The following A2ML1 variants were observed in gnomAD, a reference collection of about 807,000 sequenced individuals.
The protein encoded by A2ML1 is alpha-2-macroglobulin-like protein 1.
A neutral mutation model predicts 181.9 loss-of-function variants in A2ML1; 161 were observed. The ratio of observed to expected loss-of-function variants is 0.89; its 90% CI spans 0.78 to 1.01. A2ML1 has a LOEUF of 1.01. Among genes scored for constraint, A2ML1 ranks in the 50% least tolerant of loss-of-function variants. The pLI is 0.00. For synonymous variants in A2ML1, 663 were observed against 666.8 expected, an observed-to-expected ratio of 0.99 and a Z score of 0.09; for missense variants, 1,670 against 1,768.1, an observed-to-expected ratio of 0.94 and a Z score of 1.00.
At chr12:8,847,188 A>G (rs1225682861) in intron 14 of A2ML1, among the ~76,000 whole-genome samples, 1 of 124,516 alleles carries the variant, frequency 8.0e-6, no homozygotes, top group African/African-American at 3.2e-5. Flanking sequence ...ACCTCAGGTC[A>G]TCCACCTGCC....
rs12049925 is a variant in A2ML1, at chr12:8,824,292, T to C, written c.409+410T>C. The stretch of plus-strand genomic sequence containing the variant: ...CTTACAGGGGCACTTCATTCTGAGA[T>C]TTCAAAGTCAGGCACCCTGAAAAGA... On this transcript the variant is annotated intron_variant, in intron 3 of 35. Coordinates refer to ENST00000299698, the MANE Select transcript of A2ML1 (RefSeq NM_144670.6). 7.8e-4 allele frequency among the ~76,000 whole-genome samples: 115 copies of C among 147,414 alleles called. 1 individual carries two copies. The East Asian group carries it at 0.018, about 24-fold the overall frequency.
chr12:8,823,053 G>A (rs1447814091), intron 1 of A2ML1, 129 bp from the exon 2 acceptor site: 7 of 914,904 alleles, frequency 7.7e-6, no homozygotes, highest in African/African-American at 3.3e-5. Context: ...TGTAGAAAAT[G>A]AGGTGCATAA....
Position 8,869,101 on chromosome 12 carries a change from C to T in A2ML1, c.4153-34C>T, listed in dbSNP as rs141884595. 10 of 1,610,634 alleles carry T rather than the reference C, an allele frequency of 6.2e-6. No homozygotes were observed. In the East Asian group the frequency reaches 2.2e-4, roughly 36 times the overall value. ...GACTACCCCAGGGAAGGCTCTGGCTCTTAGTATCTTTTTTTTCTCCCTCTC... is the reference window on the plus strand; with the variant it reads ...GACTACCCCAGGGAAGGCTCTGGCTTTTAGTATCTTTTTTTTCTCCCTCTC... On this transcript the variant is annotated intron_variant, in intron 32 of 35. Coordinates refer to ENST00000299698, the MANE Select transcript of A2ML1 (RefSeq NM_144670.6).
At chr12:8,829,844 G>C (rs761945708) in intron 4 of A2ML1, 65 bp downstream of exon 4, 3 of 1,600,750 alleles carry the variant, frequency 1.9e-6, no homozygotes, top group Non-Finnish European at 2.6e-6. Context: ...AGATTCTCTA[G>C]GGTGGAAGTC....
chr12:8,881,006 G>C (rs1944865467), downstream of A2ML1, among the ~76,000 whole-genome samples: 1 of 152,166 alleles, frequency 6.6e-6, no homozygotes, highest in South Asian at 2.1e-4. Context: ...TTTCTTAACT[G>C]ACCTGTTTTA....
At chr12:8,840,077 C>T (rs1487094065) in intron 10 of A2ML1, among the ~76,000 whole-genome samples, 1 of 151,902 alleles carries the variant, frequency 6.6e-6, no homozygotes, top group African/African-American at 2.4e-5. Context: ...TTAAAATTTC[C>T]GGCAGGGCGT....
At chr12:8,835,964 C>T (rs1176747160) in intron 6 of A2ML1, among the ~76,000 whole-genome samples, 2 of 134,094 alleles carry the variant, frequency 1.5e-5, no homozygotes, top group South Asian at 4.7e-4. Context: ...AGTGAGCTGA[C>T]ATCACGCCAC....
rs771026621 is a variant in A2ML1, at chr12:8,857,360, C to T, written c.3025+20C>T. 3.8e-5 allele frequency: 62 copies of T among 1,612,978 alleles called. No homozygotes were observed. The East Asian group carries it at 6.9e-4, about 18-fold the overall frequency. On this transcript the variant is annotated intron_variant, in intron 24 of 35. Transcript: ENST00000299698. ...AAATAGGTAAGTTGGTTCAGTCTTTCTTTCTTGAACACTCTCCTCCACTAG... is the reference window on the plus strand; with the variant it reads ...AAATAGGTAAGTTGGTTCAGTCTTTTTTTCTTGAACACTCTCCTCCACTAG...
rs755224931 is a variant in A2ML1 at position 8,854,221 on chromosome 12, A to T, written c.2684A>T (p.Asp895Val). 1 of 1,608,548 alleles carries T rather than the reference A, an allele frequency of 6.2e-7. No individual in the cohort carries two copies. Among genetic ancestry groups the T allele is most frequent in the East Asian group, 2.2e-5 (1 of 44,730 alleles). Residue 895 changes from aspartate (D) to valine (V), a missense_variant, in exon 21 of 36, where the codon GAC (aspartate) becomes GTC (valine). By Grantham distance (152) the Asp-to-Val change is radical. Transcript: ENST00000299698. ...TTTGTTCCCCAAAAGGGCCGAAGTG[A>T]CACGCTCATCAAGCCAGTTCTCGTC... ...KGFVPQKGRS[D>V]TLIKPVLVKP...
chr12:8,869,068 CT>C, intron 32 of A2ML1, 66 bp from the exon 33 acceptor site: 3 of 1,496,274 alleles, frequency 2.0e-6, no homozygotes, highest in Non-Finnish European at 2.8e-6. Context: ...CATGGCAGAG[CT>C]TTGGAAGACT....
chr12:8,822,789 G>A (rs1240311157), intron 1 of A2ML1, 76 bp downstream of exon 1: 6 of 1,368,926 alleles, frequency 4.4e-6, no homozygotes, highest in African/African-American at 1.4e-5. Context: ...TTTATATGGA[G>A]ATGGGGAGAT....
chr12:8,852,206 G>A lies in A2ML1; in HGVS notation c.2464-4G>A, dbSNP rs200188816. On this transcript the variant is annotated splice_region_variant and splice_polypyrimidine_tract_variant and intron_variant, in intron 19 of 35. Coordinates refer to ENST00000299698, the MANE Select transcript of A2ML1 (RefSeq NM_144670.6). The surrounding 1 kb of genome is among the most constrained non-coding windows in gnomAD (Gnocchi z 4.2). ...ACCCTTTGTCTCTTAAACATCCTCC[G>A]TAGGTTCAGACTGACCTGGCTAAAT... The A allele has an allele frequency of 5.2e-5, 84 of 1,613,912 alleles. No individual in the cohort carries two copies. Among genetic ancestry groups the A allele is most frequent in the South Asian group, 4.8e-4 (44 of 91,062 alleles).
chr12:8,884,113 T>C (rs1332503695), intron 7 of A2ML1, among the ~76,000 whole-genome samples: 1 of 152,120 alleles, frequency 6.6e-6, no homozygotes, highest in African/African-American at 2.4e-5. Context: ...GCCATCTTAG[T>C]GTGTGTGAAG....
chr12:8,860,183 G>A (rs368141157), intron 26 of A2ML1, among the ~76,000 whole-genome samples: 2 of 151,730 alleles, frequency 1.3e-5, no homozygotes, highest in African/African-American at 4.8e-5. Context: ...CTGGGACCAC[G>A]GATCCACGTG....
chr12:8,829,784 G>A lies in A2ML1; in HGVS notation c.462+5G>A. On this transcript the variant is annotated splice_donor_5th_base_variant and intron_variant, in intron 4 of 35. Transcript: ENST00000299698. ...TTCGTTCCAGTGAATGACAAGGTGA[G>A]TTGGGAGGAGGAGAAGGAGTGGCGC... 4 of 1,614,094 alleles carry A rather than the reference G, an allele frequency of 2.5e-6. No homozygotes were observed. The highest frequency in any genetic ancestry group is 8.5e-7 in the Non-Finnish European group (1 of 1,179,986).
At position 8,849,750 on chromosome 12, in the gene A2ML1, G is replaced by A. The variant is rs1943824625; in HGVS notation, c.2110G>A (p.Ala704Thr). Reference protein sequence around the residue: ...CSHRSPEYSTAMGAGGGHPEA... With the variant: ...CSHRSPEYSTTMGAGGGHPEA... ...TCACAGATCTCCAGAATACAGCACT[G>A]CTATGGGTGGTAAGCCACCTCTGTG... is the stretch of plus-strand genomic sequence containing the variant. Residue 704 changes from alanine to threonine, a missense_variant, in exon 17 of 36, where the codon GCT becomes ACT. Transcript: ENST00000299698. The A allele has an allele frequency of 3.1e-6, 5 of 1,614,106 alleles. No individual in the cohort carries two copies. Among genetic ancestry groups the A allele is most frequent in the Non-Finnish European group, 4.2e-6 (5 of 1,179,964 alleles).
In A2ML1 at chr12:8,847,644, G is replaced by T; in HGVS notation, c.1779G>T (p.Ala593=). ...AAPGSLCALR[A]VDESVLLLRP... ...CCGGATCCCTGTGTGCGCTCCGGGC[G>T]GTGGATGAGAGTGTCTTACTGCTTA... Residue 593 remains alanine, a synonymous_variant, in exon 15 of 36, where the codon GCG becomes GCT. Coordinates refer to ENST00000299698, the MANE Select transcript of A2ML1 (RefSeq NM_144670.6). 1 of 1,613,872 alleles carries T rather than the reference G, an allele frequency of 6.2e-7. No homozygotes were observed. Among genetic ancestry groups the T allele is most frequent in the Non-Finnish European group, 8.5e-7 (1 of 1,179,910 alleles).
rs1288040844 is a variant in A2ML1 at position 8,875,001 on chromosome 12, C to T, written c.4355C>T (p.Pro1452Leu). 6.2e-7 allele frequency: 1 copy of T among 1,613,976 alleles called. No individual in the cohort carries two copies. The highest frequency in any genetic ancestry group is 2.2e-5 in the East Asian group (1 of 44,878). The change falls in exon 35 of 36, where the codon CCC (proline) becomes CTC (leucine). Residue 1452 changes from proline (P) to leucine (L), a missense_variant. Physicochemically the swap from Pro to Leu is moderately conservative, Grantham distance 98 (BLOSUM62 -3). Coordinates refer to ENST00000299698, the MANE Select transcript of A2ML1 (RefSeq NM_144670.6). The stretch of plus-strand genomic sequence containing the variant: ...CAGGCAACAATTCAGTATTCTGATC[C>T]CTGTGAATGAGGTAAGTCCAGCGGA... ...DEQATIQYSD[P>L]CE
chr12:8,861,190 C>T lies in A2ML1; in HGVS notation c.3395C>T (p.Thr1132Ile), dbSNP rs201093464. ...CTCAAGAATTCGGCCACCTCCACGA[C>T]CAACCTCTACACACAGGCCCTGTTG... is the stretch of plus-strand genomic sequence containing the variant. Reference protein sequence around the residue: ...RCLKNSATSTTNLYTQALLAY... With the variant: ...RCLKNSATSTINLYTQALLAY... The change falls in exon 28 of 36, where the codon ACC becomes ATC. Residue 1132 changes from threonine (T) to isoleucine (I), a missense_variant. Thr to Ile is a moderately conservative substitution (Grantham distance 89). Transcript: ENST00000299698. 1.5e-4 allele frequency: 248 copies of T among 1,614,080 alleles called. 2 individuals are homozygous for T. The highest frequency in any genetic ancestry group is 9.9e-4 in the Middle Eastern group (6 of 6,084).
Sources: gnomAD v4.1 joint callset for allele counts (sites outside exome capture counted in the v4.1 genomes callset) on GRCh38, gnomAD v4.1.1 for gene constraint, Gnocchi (gnomAD v3.1) non-coding constraint, MANE v1.5 for transcripts, NCBI Gene and HGNC (gene_info 2026-07-23, HGNC 2026-07-21) for gene names.